The following DCPH1 variants were observed in gnomAD, a reference collection of about 807,000 sequenced individuals.
DCPH1 encodes the protein damage control phosphatase 1, also known as damage-control phosphatase 1.
At chr6:151,468,940 C>A in the DCPH1 span, 1 of 1,614,126 alleles carries the variant, frequency 6.2e-7, no homozygotes, top group Non-Finnish European at 8.5e-7. Context: ...TGTTCCATTT[C>A]ATCAGGCTCT....
At chr6:151,460,285 C>T in the DCPH1 span, among the ~76,000 whole-genome samples, 2 of 151,770 alleles carry the variant, frequency 1.3e-5, no homozygotes, top group South Asian at 2.1e-4. Context: ...GATGGGGTTT[C>T]GTTATGTTGG....
the DCPH1 span, among the ~76,000 whole-genome samples, chr6:151,467,124 C>T: frequency 4.6e-5 from 7 of 151,514 alleles, no homozygotes; most frequent in African/African-American, 9.7e-5. Flanking sequence ...TGGTGGTGGG[C>T]GGCTGTAATC....
the DCPH1 span, among the ~76,000 whole-genome samples, chr6:151,467,249 CAAA>C: frequency 8.3e-6 from 1 of 121,108 alleles, no homozygotes. Context: ...GACTCTATCT[CAAA>C]AAAAAAAAAA....
chr6:151,465,764 G>A, the DCPH1 span, among the ~76,000 whole-genome samples: 34 of 152,248 alleles, frequency 2.2e-4, no homozygotes, highest in African/African-American at 7.5e-4. Flanking sequence ...TAGCATAAGA[G>A]TTAGTGACAT....
the DCPH1 span, chr6:151,464,590 T>G: frequency 2.1e-5 from 34 of 1,609,026 alleles, no homozygotes; most frequent in Non-Finnish European, 2.8e-5. Flanking sequence ...GAAAATCAGC[T>G]GAAAGATGAG....
the DCPH1 span, among the ~76,000 whole-genome samples, chr6:151,460,172 C>T: frequency 6.6e-6 from 1 of 151,996 alleles, no homozygotes; most frequent in East Asian, 2.0e-4. Context: ...CTCTGCCTTC[C>T]GGGTTCAAGC....
At chr6:151,466,822 C>G in the DCPH1 span, among the ~76,000 whole-genome samples, 7 of 152,196 alleles carry the variant, frequency 4.6e-5, no homozygotes, top group Admixed American at 1.3e-4. Context: ...AACCTGCTCT[C>G]AGTCGCTGAA....
the DCPH1 span, chr6:151,468,431 AC>A: frequency 1.6e-5 from 25 of 1,610,144 alleles, no homozygotes; most frequent in Non-Finnish European, 2.1e-5. Flanking sequence ...TCATTGGAAG[AC>A]CTAAAACCTT....
chr6:151,461,157 A>G, the DCPH1 span, among the ~76,000 whole-genome samples: 1 of 152,316 alleles, frequency 6.6e-6, no homozygotes, highest in Non-Finnish European at 1.5e-5. Context: ...TTTGGAAAAT[A>G]TCTGTGGTAG....
the DCPH1 span, among the ~76,000 whole-genome samples, chr6:151,456,613 G>T: frequency 6.6e-6 from 1 of 152,090 alleles, no homozygotes; most frequent in Admixed American, 6.6e-5. Context: ...TTTAGTATTT[G>T]GTCATATACG....
the DCPH1 span, chr6:151,452,514 G>A: frequency 2.0e-5 from 32 of 1,610,816 alleles, no homozygotes; most frequent in Non-Finnish European, 1.8e-5. Flanking sequence ...CGATTGAACA[G>A]CCGAGCTTTG....
chr6:151,468,734 C>T, the DCPH1 span: 3 of 1,614,100 alleles, frequency 1.9e-6, no homozygotes, highest in Admixed American at 5.0e-5. Flanking sequence ...AAGTGTGGGG[C>T]TGACTGGGAA....
At chr6:151,462,453 C>G in the DCPH1 span, among the ~76,000 whole-genome samples, 2 of 152,150 alleles carry the variant, frequency 1.3e-5, no homozygotes, top group Admixed American at 1.3e-4. Flanking sequence ...TTGTGTCTGG[C>G]TTCTTTCACT....
chr6:151,452,502 G>A, the DCPH1 span: 3 of 1,607,962 alleles, frequency 1.9e-6, no homozygotes, highest in Admixed American at 1.7e-5. Flanking sequence ...CTGTTTCTGC[G>A]GCGATTGAAC....
chr6:151,460,874 G>A, the DCPH1 span, among the ~76,000 whole-genome samples: 1 of 152,200 alleles, frequency 6.6e-6, no homozygotes. Flanking sequence ...GATGTAAGGA[G>A]CTGTCAGTAA....
chr6:151,455,848 C>G, the DCPH1 span, among the ~76,000 whole-genome samples: 1 of 152,362 alleles, frequency 6.6e-6, no homozygotes, highest in Non-Finnish European at 1.5e-5. Flanking sequence ...TTGGACAATA[C>G]CTGGCTTTCC....
chr6:151,454,722 G>A, the DCPH1 span: 84 of 752,358 alleles, frequency 1.1e-4, no homozygotes, highest in East Asian at 1.8e-3. Context: ...AGTTCTTGAA[G>A]GTATCAATTT....
chr6:151,456,722 C>T, the DCPH1 span, among the ~76,000 whole-genome samples: 1 of 152,274 alleles, frequency 6.6e-6, no homozygotes, highest in East Asian at 1.9e-4. Flanking sequence ...GCAGTCATAG[C>T]TCACTGCAGC....
the DCPH1 span, among the ~76,000 whole-genome samples, chr6:151,461,308 G>C: frequency 6.6e-6 from 1 of 152,186 alleles, no homozygotes; most frequent in Non-Finnish European, 1.5e-5. Context: ...AAAATACCTA[G>C]AGCAGATTTT....
Sources: allele counts gnomAD v4.1 joint callset (sites outside exome capture counted in the v4.1 genomes callset), GRCh38; gene constraint gnomAD v4.1.1; transcripts MANE v1.5; gene names NCBI Gene and HGNC (gene_info 2026-07-23, HGNC 2026-07-21).